Variants in KMO observed in about 807,000 individuals in gnomAD.
The protein encoded by KMO is kynurenine 3-monooxygenase, also known as kynurenine 3-hydroxylase.
A neutral mutation model predicts 57.8 loss-of-function variants in KMO; 24 were observed. That is an observed-to-expected ratio of 0.42 (90% confidence interval 0.30 to 0.58). KMO has a LOEUF of 0.58. KMO is among the 20% of genes least tolerant of loss of function. KMO has a pLI of 0.22. For missense variants in KMO, 483 were observed against 588.2 expected (o/e 0.82, Z 1.85); for synonymous variants, 210 against 193.6 (o/e 1.08, Z -0.70).
chr1:241,556,956 G>A (rs778248333), intron 5 of KMO, among the ~76,000 whole-genome samples: 16 of 152,034 alleles, frequency 1.1e-4, no homozygotes, highest in Non-Finnish European at 2.1e-4. Flanking sequence ...GCCATAGTGT[G>A]AAGACTGAGA....
At chr1:241,537,989 T>C (rs3014571) in intron 1 of KMO, among the ~76,000 whole-genome samples, 37,948 of 152,048 alleles carry the variant, frequency 0.25, 5,141 homozygotes, top group African/African-American at 0.34. Context: ...AGCAAGGAGA[T>C]GGAAGAACAG....
chr1:241,548,712 G>A, intron 1 of KMO, 117 bp from the exon 2 acceptor site: 2 of 560,288 alleles, frequency 3.6e-6, no homozygotes, highest in Non-Finnish European at 6.2e-6. Context: ...GGTAAAATAT[G>A]ACCACACACA....
chr1:241,587,814 G>A (rs987690856), intron 11 of KMO, among the ~76,000 whole-genome samples: 4 of 149,526 alleles, frequency 2.7e-5, no homozygotes, highest in African/African-American at 5.0e-5. Context: ...GAGGCATTTT[G>A]TTCCCGCCCT....
At chr1:241,550,597 C>G (rs570120592) in intron 3 of KMO, among the ~76,000 whole-genome samples, 11 of 152,174 alleles carry the variant, frequency 7.2e-5, no homozygotes, top group Non-Finnish European at 1.3e-4. Flanking sequence ...TAAGAAAACA[C>G]TTTGCATTGA....
At chr1:241,533,450 A>C (rs1037572252) in intron 1 of KMO, among the ~76,000 whole-genome samples, 5 of 152,138 alleles carry the variant, frequency 3.3e-5, no homozygotes, top group African/African-American at 1.2e-4. Context: ...TGCCTTCCTT[A>C]GTGTCTTTTC....
In KMO at chr1:241,568,574, T is replaced by G; in HGVS notation, c.884T>G (p.Phe295Cys). 1 of 1,614,056 alleles carries G rather than the reference T, an allele frequency of 6.2e-7. No individual in the cohort carries two copies. The highest frequency in any genetic ancestry group is 8.5e-7 in the Non-Finnish European group (1 of 1,179,902). The change falls in exon 10 of 15, where the codon TTT becomes TGT. Residue 295 changes from phenylalanine to cysteine, a missense_variant. By Grantham distance (205) the Phe-to-Cys change is radical. Around this residue, in one of 3 missense-constraint regions of KMO, gnomAD observed 410 missense variants for 492.3 expected, o/e 0.83. Transcript: ENST00000366559. The part of the protein sequence containing the change: ...MISVKCSSFH[F>C]KSHCVLLGDA... ...TCTGTAAAGTGCTCTTCATTTCACTTTAAATCTCACTGTGTACTGCTGGGA... is the reference window on the plus strand; with the variant it reads ...TCTGTAAAGTGCTCTTCATTTCACTGTAAATCTCACTGTGTACTGCTGGGA...
chr1:241,549,848 G>A, intron 3 of KMO, 74 bp downstream of exon 3: 2 of 901,974 alleles, frequency 2.2e-6, no homozygotes, highest in Non-Finnish European at 3.5e-6. Context: ...ATTTCATCCT[G>A]GCTTAAAAAG....
intron 10 of KMO, among the ~76,000 whole-genome samples, chr1:241,578,945 C>G (rs539182012): frequency 1.3e-5 from 2 of 152,032 alleles, no homozygotes; most frequent in Non-Finnish European, 2.9e-5. Flanking sequence ...CCTTATAAAA[C>G]CATCAGATCT....
At position 241,592,256 on chromosome 1, in the gene KMO, T is replaced by C; in HGVS notation, c.*103T>C. ...TATTTGATTCACTAGTGGAAGATAG[T>C]GTTCTGCTTATAATTAAACTGAATG... On this transcript the variant is annotated 3_prime_UTR_variant, in exon 15 of 15. Transcript: ENST00000366559. The C allele has an allele frequency of 5.0e-6, 4 of 795,256 alleles. No individual in the cohort carries two copies. Among genetic ancestry groups the C allele is most frequent in the Middle Eastern group, 2.3e-4 (1 of 4,330 alleles). 49.3% of individuals were successfully genotyped at this position (795,256 alleles called of 1,614,324 possible).
rs753249602 is a variant in KMO, at chr1:241,568,679, A to G, written c.957+32A>G. 106 of 1,605,160 alleles carry G rather than the reference A, an allele frequency of 6.6e-5. 4 individuals are homozygous for G. In the South Asian group the frequency reaches 1.0e-3, roughly 16 times the overall value. ...TCTTTTTCCCTAGGTAAGTCCCTCA[A>G]ATACTTCTGGGTCAGTCTCAGCTAA... On this transcript the variant is annotated intron_variant, in intron 10 of 14. Transcript: ENST00000366559.
chr1:241,567,407 G>T (rs180911103), intron 9 of KMO, among the ~76,000 whole-genome samples: 98 of 152,212 alleles, frequency 6.4e-4, no homozygotes, highest in Non-Finnish European at 6.8e-4. Flanking sequence ...TCTCTCTGGG[G>T]TCCCTTTTAT....
intron 10 of KMO, among the ~76,000 whole-genome samples, chr1:241,578,239 G>C (rs1662605484): frequency 1.3e-5 from 2 of 152,152 alleles, no homozygotes; most frequent in African/African-American, 2.4e-5. Flanking sequence ...GACTCTTCAT[G>C]AGCACCAGCG....
chr1:241,585,263 T>C (rs1487327150), intron 10 of KMO, among the ~76,000 whole-genome samples: 1 of 151,968 alleles, frequency 6.6e-6, no homozygotes, highest in African/African-American at 2.4e-5. Context: ...TTAAATTAAA[T>C]TGGAATTTTA....
chr1:241,562,421 T>A (rs1402635181), intron 7 of KMO, 89 bp downstream of exon 7: 2 of 1,314,450 alleles, frequency 1.5e-6, no homozygotes, highest in East Asian at 4.6e-5. Flanking sequence ...CTCAGCAGCA[T>A]GTCTTGATCC....
chr1:241,589,743 C>T (rs1400415440), intron 12 of KMO, among the ~76,000 whole-genome samples: 1 of 152,112 alleles, frequency 6.6e-6, no homozygotes. Flanking sequence ...TTAAACAAAC[C>T]CTCTGCTGAA....
chr1:241,568,266 T>A lies in KMO; in HGVS notation c.810-234T>A, dbSNP rs1222625895. Among the ~76,000 whole-genome samples the A allele has an allele frequency of 2.0e-5, 3 of 152,332 alleles. No homozygotes were observed. In the South Asian group the frequency reaches 6.2e-4, roughly 32 times the overall value. On this transcript the variant is annotated intron_variant, in intron 9 of 14. Transcript: ENST00000366559. ...TACAGAAATACTTAAATTATTCAAA[T>A]GCAGCCAAACTTTTATTTTTAATGT...
intron 1 of KMO, among the ~76,000 whole-genome samples, chr1:241,541,891 TAGATAGAC>T (rs1660970666): frequency 2.0e-5 from 3 of 152,092 alleles, no homozygotes; most frequent in African/African-American, 7.3e-5. Flanking sequence ...TTTTAAAAGT[TAGATAGAC>T]AGAAAACTCA....
intron 1 of KMO, among the ~76,000 whole-genome samples, chr1:241,541,528 G>C (rs1660958954): frequency 6.6e-6 from 1 of 152,120 alleles, no homozygotes; most frequent in African/African-American, 2.4e-5. Flanking sequence ...ATCAAGACTA[G>C]AGTAAAAGTC....
chr1:241,549,850 C>A, intron 3 of KMO, 76 bp downstream of exon 3: 1 of 891,528 alleles, frequency 1.1e-6, no homozygotes, highest in Non-Finnish European at 1.8e-6. Context: ...TTCATCCTGG[C>A]TTAAAAAGTA....
Sources: gnomAD v4.1 joint callset for allele counts (sites outside exome capture counted in the v4.1 genomes callset) on GRCh38, gnomAD v4.1.1 for gene constraint, gnomAD v4.1.1 regional missense constraint, MANE v1.5 for transcripts, NCBI Gene and HGNC (gene_info 2026-07-23, HGNC 2026-07-21) for gene names.